NUP205: variants seen among roughly 807,000 people sequenced by gnomAD.
NUP205 encodes nuclear pore complex protein Nup205.
Under a neutral mutation model 253.8 loss-of-function variants are expected in NUP205, and 76 were observed. The observed-to-expected ratio is 0.30, with a 90% CI of 0.25 to 0.36. The LOEUF is 0.36. NUP205 is among the 10% of genes least tolerant of loss of function. The probability of loss-of-function intolerance (pLI) is 1.00; values close to 1 mark genes in which losing one functional copy is unlikely to be tolerated. For synonymous variants in NUP205, 832 were observed against 850.1 expected (o/e 0.98, Z 0.37); for missense variants, 2,162 against 2,425.5 (o/e 0.89, Z 2.28).
chr7:135,570,249 T>C (rs1805919233), intron 1 of NUP205, among the ~76,000 whole-genome samples: 1 of 152,068 alleles, frequency 6.6e-6, no homozygotes, highest in East Asian at 1.9e-4. Context: ...GTTTTGATCC[T>C]GTCGGCCAGG....
At chr7:135,564,749 T>A (rs770629528) in intron 1 of NUP205, among the ~76,000 whole-genome samples, 1 of 151,436 alleles carries the variant, frequency 6.6e-6, no homozygotes, top group African/African-American at 2.4e-5. Context: ...GTGAACCTGT[T>A]TTTTTATTGT....
At position 135,609,104 on chromosome 7, in the gene NUP205, CAAAA is replaced by C. The variant is rs1163880987; in HGVS notation, c.3195+1750_3195+1753del. Among the ~76,000 whole-genome samples the C allele has an allele frequency of 1.1e-4, 7 of 66,208 alleles. No individual in the cohort carries two copies. The Admixed American group carries it at 1.1e-3, about 10-fold the overall frequency. 43.4% of individuals were successfully genotyped at this position (66,208 alleles called of 152,430 possible). On this transcript the variant is annotated intron_variant, in intron 22 of 42. Transcript: ENST00000285968. ...GGGCAACAAGAGCAAAACTCCGTCT[CAAAA>C]AAAAAAAAAAAAAAAAGAACCAGGC...
chr7:135,606,968 G>GT, intron 21 of NUP205, 53 bp downstream of exon 21: 1 of 1,527,306 alleles, frequency 6.5e-7, no homozygotes, highest in Non-Finnish European at 9.0e-7. Context: ...GTGTATCTCA[G>GT]GGGTCACTGA....
rs1344492724 is a variant in NUP205 at position 135,573,680 on chromosome 7, G to A, written c.198G>A (p.Lys66=). 1 of 1,610,480 alleles carries A rather than the reference G, an allele frequency of 6.2e-7. No individual in the cohort carries two copies. Among genetic ancestry groups the A allele is most frequent in the East Asian group, 2.2e-5 (1 of 44,862 alleles). ...NPPKNVQQHE[K]VQKASTEGVA... is the part of the protein sequence containing the mutation. ...CAAAAAATGTTCAACAGCATGAGAA[G>A]GTTCAGAAAGCCAGTACAGAGGGAG... is the stretch of plus-strand genomic sequence containing the variant. The change falls in exon 3 of 43, where the codon AAG becomes AAA. Residue 66 remains lysine, a synonymous_variant. Transcript: ENST00000285968.
chr7:135,646,481 C>A (rs954880501), intron 42 of NUP205, among the ~76,000 whole-genome samples: 5 of 152,080 alleles, frequency 3.3e-5, no homozygotes, highest in Admixed American at 1.3e-4. Flanking sequence ...ATCACCTGAG[C>A]CTGGGAGACT....
rs545541473 is a variant in NUP205, at chr7:135,571,356, T to G, written c.171+109T>G. 5 of 683,634 alleles carry G rather than the reference T, an allele frequency of 7.3e-6. No individual in the cohort carries two copies. In the African/African-American group the frequency reaches 9.6e-5, roughly 13 times the overall value. 42.3% of individuals were successfully genotyped at this position (683,634 alleles called of 1,614,324 possible). On this transcript the variant is annotated intron_variant, in intron 2 of 42. Transcript: ENST00000285968. ...TAATTTTCAAATTTTTTTCAGAAATTTATTTACTGTGCCACAGTCTCATGA... is the reference window on the plus strand; with the variant it reads ...TAATTTTCAAATTTTTTTCAGAAATGTATTTACTGTGCCACAGTCTCATGA...
At chr7:135,619,170 C>T (rs1319579872) in intron 28 of NUP205, among the ~76,000 whole-genome samples, 1 of 151,914 alleles carries the variant, frequency 6.6e-6, no homozygotes, top group Admixed American at 6.6e-5. Context: ...TTGAGACCAA[C>T]CTGGGCAACA....
rs191531793 is a variant in NUP205 at position 135,596,214 on chromosome 7, G to A, written c.2014-1154G>A. 9.2e-5 allele frequency among the ~76,000 whole-genome samples: 14 copies of A among 152,154 alleles called. No individual in the cohort carries two copies. In the East Asian group the frequency reaches 1.4e-3, roughly 15 times the overall value. On this transcript the variant is annotated intron_variant, in intron 13 of 42. Transcript: ENST00000285968. ...CTCCCAAAGTACTGGGATTACAGGC[G>A]TGAGCCACCACGCCCAGCCAGAAGC... is the stretch of plus-strand genomic sequence containing the variant.
intron 21 of NUP205, 72 bp from the exon 22 acceptor site, chr7:135,607,175 T>C (rs1372014216): frequency 3.5e-5 from 54 of 1,563,564 alleles, no homozygotes; most frequent in Admixed American, 2.1e-4. Flanking sequence ...ATTTAACTTT[T>C]GAAAAGGCAG....
At chr7:135,615,167 A>C (rs551280299) in intron 23 of NUP205, among the ~76,000 whole-genome samples, 2 of 152,316 alleles carry the variant, frequency 1.3e-5, no homozygotes, top group African/African-American at 2.4e-5. Context: ...GCTTTGCCTG[A>C]AATTATTATT....
chr7:135,566,707 A>G (rs541712871), intron 1 of NUP205, among the ~76,000 whole-genome samples: 45 of 152,024 alleles, frequency 3.0e-4, no homozygotes, highest in African/African-American at 1.1e-3. Context: ...ATCTTTTATT[A>G]TACTGATATC....
intron 42 of NUP205, 22 bp downstream of exon 42, chr7:135,646,253 C>G: frequency 1.9e-6 from 3 of 1,552,884 alleles, no homozygotes; most frequent in Non-Finnish European, 1.8e-6. Flanking sequence ...TTCTCATATT[C>G]TTTTATTTTT....
chr7:135,572,042 A>T (rs912402120), intron 2 of NUP205, among the ~76,000 whole-genome samples: 3 of 151,866 alleles, frequency 2.0e-5, no homozygotes, highest in Non-Finnish European at 4.4e-5. Flanking sequence ...AATTTTTTTT[A>T]GAGATAGGGT....
intron 1 of NUP205, among the ~76,000 whole-genome samples, chr7:135,562,411 G>T (rs554589557): frequency 1.5e-3 from 226 of 151,906 alleles, no homozygotes; most frequent in African/African-American, 4.8e-3. Context: ...TTGGCCAGGG[G>T]TGCCTCGAAT....
chr7:135,574,484 C>T (rs946635501), intron 3 of NUP205, among the ~76,000 whole-genome samples: 1 of 152,066 alleles, frequency 6.6e-6, no homozygotes, highest in African/African-American at 2.4e-5. Flanking sequence ...AGGTGCCAGC[C>T]ACCCAGACCT....
In NUP205 at chr7:135,643,377, G is replaced by A; in HGVS notation, c.5559+19G>A. 1 of 1,606,442 alleles carries A rather than the reference G, an allele frequency of 6.2e-7. No individual in the cohort carries two copies. The highest frequency in any genetic ancestry group is 8.5e-7 in the Non-Finnish European group (1 of 1,174,710). On this transcript the variant is annotated intron_variant, in intron 39 of 42. Transcript: ENST00000285968. ...AAAAGAGGTACGAATCTTATAATGA[G>A]CTGGGGGGACTTGAGAAATCATTGC...
At chr7:135,628,161 T>A in intron 34 of NUP205, 50 bp downstream of exon 34, 3 of 1,560,760 alleles carry the variant, frequency 1.9e-6, no homozygotes, top group Non-Finnish European at 2.6e-6. Context: ...ATCCTCATTT[T>A]ACAAGTACAG....
At chr7:135,634,966 G>A (rs1201103712) in intron 35 of NUP205, among the ~76,000 whole-genome samples, 1 of 152,166 alleles carries the variant, frequency 6.6e-6, no homozygotes. Flanking sequence ...GATAGGTTTA[G>A]GTGGGTATTC....
Position 135,645,552 on chromosome 7 carries a change from C to G in NUP205, c.5768C>G (p.Ser1923Cys). ...TGCATGCCCACGGATTCTCAAGATT[C>G]CTTATTTGCCTCGAGAACCTTGTTT... ...LHCMPTDSQD[S>C]LFASRTLFKS... Residue 1923 changes from serine (S) to cysteine (C), a missense_variant, in exon 41 of 43, where the codon TCC (serine) becomes TGC (cysteine). Ser to Cys is a moderately radical substitution (Grantham distance 112, BLOSUM62 -1). Coordinates refer to ENST00000285968, the MANE Select transcript of NUP205 (RefSeq NM_015135.3). 6.2e-7 allele frequency: 1 copy of G among 1,614,102 alleles called. No individual in the cohort carries two copies. Among genetic ancestry groups the G allele is most frequent in the Non-Finnish European group, 8.5e-7 (1 of 1,179,974 alleles).
Sources: gnomAD v4.1 joint callset for allele counts (sites outside exome capture counted in the v4.1 genomes callset) on GRCh38, gnomAD v4.1.1 for gene constraint, MANE v1.5 for transcripts, NCBI Gene and HGNC (gene_info 2026-07-23, HGNC 2026-07-21) for gene names.